The following NRK variants were observed in gnomAD, a reference collection of about 807,000 sequenced individuals.
NRK encodes Nik related kinase.
A neutral mutation model predicts 125.2 loss-of-function variants in NRK; 67 were observed. The observed-to-expected ratio is 0.54, with a 90% confidence interval of 0.44 to 0.66. NRK has a LOEUF of 0.66. Among genes scored for constraint, NRK ranks in the 30% least tolerant of loss-of-function variants. The probability of loss-of-function intolerance (pLI) is 0.00; values close to 1 mark genes in which losing one functional copy is unlikely to be tolerated. For missense variants in NRK, 1,224 were observed against 1,192.9 expected (o/e 1.03, Z -0.38); for synonymous variants, 458 against 429.0 (o/e 1.07, Z -0.84).
intron 8 of NRK, among the ~76,000 whole-genome samples, chrX:105,898,966 T>C (rs756663525): frequency 1.8e-5 from 2 of 111,642 alleles, no homozygotes; most frequent in Non-Finnish European, 1.9e-5. Context: ...GTGGTTTATG[T>C]TGCTTGCAAC....
chrX:105,914,367 C>A (rs2040338898), intron 14 of NRK, among the ~76,000 whole-genome samples: 1 of 110,895 alleles, frequency 9.0e-6, no homozygotes, highest in South Asian at 3.8e-4. Flanking sequence ...TGACTTTACT[C>A]AAACTCACAG....
intron 19 of NRK, among the ~76,000 whole-genome samples, chrX:105,932,469 A>T (rs1198727137): frequency 8.9e-6 from 1 of 112,760 alleles, no homozygotes; most frequent in African/African-American, 3.2e-5. Flanking sequence ...TTCACAAAAC[A>T]TTTATTGACT....
intron 2 of NRK, among the ~76,000 whole-genome samples, chrX:105,875,319 A>T (rs1477855340): frequency 9.0e-6 from 1 of 110,940 alleles, no homozygotes; most frequent in African/African-American, 3.3e-5. Flanking sequence ...CATTCCAGAA[A>T]CCTGCTTCTT....
chrX:105,831,157 CT>C lies in NRK; in HGVS notation c.123+39del, dbSNP rs1284027590. 7 of 831,833 alleles carry C rather than the reference CT, an allele frequency of 8.4e-6. No homozygotes were observed. The South Asian group carries it at 1.6e-4, about 18-fold the overall frequency. The allele number at this position is 831,833 out of a possible 1,213,427, so 68.6% of individuals were successfully genotyped here. A position where few individuals can be genotyped will look rare whatever the true frequency, so the allele number is the denominator to read the frequency against. On this transcript the variant is annotated intron_variant, in intron 2 of 28. Coordinates refer to ENST00000243300, the MANE Select transcript of NRK (RefSeq NM_198465.4). ...ACATTATTTATTCATTCTTCATTTT[CT>C]AATGACAACAAAGATTGTGAGTCAG...
intron 24 of NRK, 25 bp downstream of exon 24, chrX:105,944,066 A>T: frequency 3.6e-6 from 3 of 823,947 alleles, no homozygotes; most frequent in Non-Finnish European, 5.3e-6. Flanking sequence ...TTTTCTTTGG[A>T]TTATATGATT....
At chrX:105,870,138 CT>C (rs1171036190) in intron 2 of NRK, among the ~76,000 whole-genome samples, 1 of 111,113 alleles carries the variant, frequency 9.0e-6, no homozygotes, top group African/African-American at 3.3e-5. Context: ...TAGATGAGTT[CT>C]TTTTTATTTT....
chrX:105,871,298 G>A (rs761959885), intron 2 of NRK, among the ~76,000 whole-genome samples: 1 of 110,906 alleles, frequency 9.0e-6, no homozygotes, highest in East Asian at 2.9e-4. Context: ...TGCAACCTAG[G>A]GTCAATGAAA....
intron 23 of NRK, among the ~76,000 whole-genome samples, chrX:105,940,352 G>A (rs944971437): frequency 5.5e-5 from 6 of 109,812 alleles, no homozygotes; most frequent in East Asian, 2.9e-4. Flanking sequence ...CAGTCACCCC[G>A]AATATTCCAG....
chrX:105,891,136 C>A (rs1350673750), intron 5 of NRK, among the ~76,000 whole-genome samples: 3 of 111,647 alleles, frequency 2.7e-5, no homozygotes, highest in African/African-American at 9.8e-5. Context: ...TATGGATAAA[C>A]ATAACTCCTA....
intron 17 of NRK, among the ~76,000 whole-genome samples, chrX:105,922,876 A>G (rs1159258479): frequency 9.0e-6 from 1 of 111,251 alleles, no homozygotes; most frequent in Non-Finnish European, 1.9e-5. Flanking sequence ...GCTGACAAGT[A>G]TGGGTATTTT....
intron 2 of NRK, among the ~76,000 whole-genome samples, chrX:105,834,514 G>C (rs1330245870): frequency 9.1e-6 from 1 of 109,469 alleles, no homozygotes; most frequent in East Asian, 2.9e-4. Flanking sequence ...AGATCTTTGG[G>C]GTTCTCTTAG....
In NRK at chrX:105,844,707, G is replaced by A. The variant is rs192110320; in HGVS notation, c.123+13588G>A. ...GTATGAGTGATAGGTGAGTTGCATA[G>A]GAGAGGGTTTACAGAAATCCATATG... On this transcript the variant is annotated intron_variant, in intron 2 of 28. Transcript: ENST00000243300. Among the ~76,000 whole-genome samples the A allele has an allele frequency of 4.9e-4, 55 of 111,711 alleles. 1 individual carries two copies. The highest frequency in any genetic ancestry group is 1.8e-3 in the African/African-American group (54 of 30,780).
chrX:105,923,243 G>T lies in NRK; in HGVS notation c.2736G>T (p.Gln912His), dbSNP rs765620785. The change falls in exon 18 of 29, where the codon CAG (glutamine) becomes CAT (histidine). Residue 912 changes from glutamine (Q) to histidine (H), a missense_variant. By Grantham distance (24) the Gln-to-His change is conservative. Transcript: ENST00000243300. ...GGTTAACTCCGGCACCTGTCATTCA[G>T]CCACCTGAAGAGGATGGTGATTATG... ...NDWLTPAPVI[Q>H]PPEEDGDYVE... The T allele has an allele frequency of 1.2e-5, 14 of 1,207,184 alleles. No individual in the cohort carries two copies. In the East Asian group the frequency reaches 2.1e-4, roughly 18 times the overall value.
At chrX:105,846,165 A>T (rs2039399116) in intron 2 of NRK, among the ~76,000 whole-genome samples, 1 of 111,841 alleles carries the variant, frequency 8.9e-6, no homozygotes, top group African/African-American at 3.3e-5. Context: ...TTTTTTGGTG[A>T]AAGACCTTAT....
At chrX:105,938,233 G>A (rs2040690832) in intron 22 of NRK, among the ~76,000 whole-genome samples, 1 of 111,182 alleles carries the variant, frequency 9.0e-6, no homozygotes, top group African/African-American at 3.3e-5. Flanking sequence ...TGACAAAAGA[G>A]AGAAAAAGTA....
chrX:105,929,600 G>A (rs2040569373), intron 19 of NRK, among the ~76,000 whole-genome samples: 1 of 109,584 alleles, frequency 9.1e-6, no homozygotes, highest in Non-Finnish European at 1.9e-5. Flanking sequence ...TTCTCTTATT[G>A]TTAATCTATG....
intron 19 of NRK, among the ~76,000 whole-genome samples, chrX:105,930,509 C>T (rs1279528799): frequency 9.0e-6 from 1 of 110,963 alleles, no homozygotes; most frequent in Non-Finnish European, 1.9e-5. Flanking sequence ...TCTGTATTCT[C>T]TTGTATCTTG....
Position 105,955,636 on chromosome X carries a change from C to G in NRK, c.*36C>G. 1 of 667,927 alleles carries G rather than the reference C, an allele frequency of 1.5e-6. No homozygotes were observed. The highest frequency in any genetic ancestry group is 2.7e-5 in the Admixed American group (1 of 36,718). 55.0% of individuals were successfully genotyped at this position (667,927 alleles called of 1,213,427 possible). On this transcript the variant is annotated 3_prime_UTR_variant, in exon 29 of 29. Coordinates refer to ENST00000243300, the MANE Select transcript of NRK (RefSeq NM_198465.4). ...TGATTTATTACCACATTATAAACAT[C>G]ATGTATAGGCAGTCTGCATCTTCAG...
At chrX:105,888,836 C>A (rs1165241990) in intron 5 of NRK, among the ~76,000 whole-genome samples, 1 of 110,791 alleles carries the variant, frequency 9.0e-6, no homozygotes, top group Non-Finnish European at 1.9e-5. Context: ...AAGACCGGCC[C>A]CCATGATTCA....
Sources: allele counts gnomAD v4.1 joint callset (sites outside exome capture counted in the v4.1 genomes callset), GRCh38; gene constraint gnomAD v4.1.1; transcripts MANE v1.5; gene names NCBI Gene and HGNC (gene_info 2026-07-23, HGNC 2026-07-21).